The following COL8A1 variants were observed in gnomAD, a reference collection of about 807,000 sequenced individuals.
COL8A1 encodes the protein collagen type VIII alpha 1 chain, also known as collagen alpha-1(VIII) chain.
COL8A1 carries 21 observed loss-of-function variants against 42.7 expected under a neutral mutation model. That is an observed-to-expected ratio of 0.49 (90% confidence interval 0.35 to 0.71). The LOEUF (loss-of-function observed/expected upper bound fraction) is 0.71, where lower values mean the gene tolerates loss of function less well. COL8A1 is among the 30% of genes least tolerant of loss of function. COL8A1 has a pLI of 0.01. For synonymous variants in COL8A1, 367 were observed against 369.1 expected (o/e 0.99, Z 0.06); for missense variants, 788 against 962.4 (o/e 0.82, Z 2.40).
intron 2 of COL8A1, among the ~76,000 whole-genome samples, chr3:99,764,454 C>T (rs141338168): frequency 0.012 from 1,824 of 152,154 alleles, 23 homozygotes; most frequent in Middle Eastern, 0.02. Flanking sequence ...TATGTGTGTG[C>T]GTGTACACCA....
At chr3:99,737,813 C>G (rs1438639775) in intron 1 of COL8A1, among the ~76,000 whole-genome samples, 1 of 152,068 alleles carries the variant, frequency 6.6e-6, no homozygotes, top group Admixed American at 6.5e-5. Context: ...TAATATCCTG[C>G]AGAGTGTTTT....
chr3:99,798,840 C>T lies in COL8A1; in HGVS notation c.*2704C>T, dbSNP rs1206561227. On this transcript the variant is annotated 3_prime_UTR_variant, in exon 4 of 4. Transcript: ENST00000652472. ...ATAATTATCTATGTGCCTGTATTTC[C>T]CTTTTGAGTGCTGCACAACATGTTA... The T allele has an allele frequency of 1.3e-5, 2 of 152,158 alleles. No homozygotes were observed. The highest frequency in any genetic ancestry group is 3.8e-4 in the East Asian group (2 of 5,200). The allele number at this position is 152,158 out of a possible 1,614,324, so 9.4% of individuals were successfully genotyped here. A position where few individuals can be genotyped will look rare whatever the true frequency, so the allele number is the denominator to read the frequency against.
intron 3 of COL8A1, among the ~76,000 whole-genome samples, chr3:99,791,727 G>T (rs1386337573): frequency 6.6e-6 from 1 of 152,184 alleles, no homozygotes; most frequent in Non-Finnish European, 1.5e-5. Flanking sequence ...AATTACCTTT[G>T]AGGAAGTGGA....
chr3:99,704,029 C>A (rs1430072385), intron 1 of COL8A1, among the ~76,000 whole-genome samples: 2 of 152,232 alleles, frequency 1.3e-5, no homozygotes, highest in East Asian at 1.9e-4. Context: ...AAATTAGCTT[C>A]TTTCATGATG....
rs748401580 is a variant in COL8A1, at chr3:99,790,697, T to C, written c.15T>C (p.Pro5=). ...TCCCACAGGTGATGGCTGTGCTGCC[T>C]GGCCCTCTGCAGCTGCTGGGAGTGC... is the stretch of plus-strand genomic sequence containing the variant. MAVL[P]GPLQLLGVLL... Residue 5 remains proline (P), a synonymous_variant, in exon 3 of 4, where the codon CCT becomes CCC. Coordinates refer to ENST00000652472, the MANE Select transcript of COL8A1 (RefSeq NM_020351.4). 97 of 1,613,962 alleles carry C rather than the reference T, an allele frequency of 6.0e-5. 2 individuals carry two copies. In the South Asian group the frequency reaches 9.4e-4, roughly 16 times the overall value.
intron 1 of COL8A1, among the ~76,000 whole-genome samples, chr3:99,670,282 T>A (rs1056422045): frequency 6.6e-6 from 1 of 152,070 alleles, no homozygotes; most frequent in Non-Finnish European, 1.5e-5. Flanking sequence ...TTTTTTCATC[T>A]CAAGTATGTT....
At chr3:99,697,372 G>A (rs1431875335) in intron 1 of COL8A1, among the ~76,000 whole-genome samples, 1 of 152,170 alleles carries the variant, frequency 6.6e-6, no homozygotes, top group African/African-American at 2.4e-5. Context: ...TAAAGGCGTA[G>A]CTGCTACAAA....
At chr3:99,720,013 GA>G (rs751381378) in intron 1 of COL8A1, among the ~76,000 whole-genome samples, 7 of 152,184 alleles carry the variant, frequency 4.6e-5, no homozygotes, top group Non-Finnish European at 8.8e-5. Flanking sequence ...CACATTACTA[GA>G]ATTATAGTCA....
At chr3:99,724,056 G>C (rs1940233073) in intron 1 of COL8A1, among the ~76,000 whole-genome samples, 1 of 152,130 alleles carries the variant, frequency 6.6e-6, no homozygotes, top group South Asian at 2.1e-4. Flanking sequence ...GAGTCTGTTT[G>C]ACTTGCTTTG....
At chr3:99,685,838 A>G (rs1182954873) in intron 1 of COL8A1, among the ~76,000 whole-genome samples, 1 of 152,240 alleles carries the variant, frequency 6.6e-6, no homozygotes, top group Non-Finnish European at 1.5e-5. Flanking sequence ...AAATATGAAT[A>G]TAATAGTCAG....
chr3:99,725,630 C>T (rs959535296), intron 1 of COL8A1, among the ~76,000 whole-genome samples: 19 of 136,288 alleles, frequency 1.4e-4, no homozygotes, highest in African/African-American at 3.0e-4. Flanking sequence ...GTGTTCTCAT[C>T]GTTCAATTCC....
At chr3:99,714,107 C>T (rs889449690) in intron 1 of COL8A1, among the ~76,000 whole-genome samples, 1 of 152,034 alleles carries the variant, frequency 6.6e-6, no homozygotes, top group Non-Finnish European at 1.5e-5. Context: ...TAAATGAGAG[C>T]CCCTGACATA....
At chr3:99,726,810 TG>T (rs1308934038) in intron 1 of COL8A1, among the ~76,000 whole-genome samples, 2 of 152,254 alleles carry the variant, frequency 1.3e-5, no homozygotes, top group East Asian at 3.9e-4. Context: ...TTTTGGTTAC[TG>T]TAGCCTTGTA....
At chr3:99,724,155 T>A (rs1940236247) in intron 1 of COL8A1, among the ~76,000 whole-genome samples, 1 of 152,016 alleles carries the variant, frequency 6.6e-6, no homozygotes, top group Non-Finnish European at 1.5e-5. Context: ...CAAAAAATAA[T>A]CCCATGGATT....
At chr3:99,648,453 T>G (rs186671155) in intron 1 of COL8A1, among the ~76,000 whole-genome samples, 2 of 152,144 alleles carry the variant, frequency 1.3e-5, no homozygotes, top group Non-Finnish European at 2.9e-5. Context: ...TTTTAATTTC[T>G]TTTTCTTTTT....
chr3:99,658,342 TG>T (rs1938093907), intron 1 of COL8A1, among the ~76,000 whole-genome samples: 1 of 152,276 alleles, frequency 6.6e-6, no homozygotes, highest in South Asian at 2.1e-4. Flanking sequence ...TACAATGTTT[TG>T]TTCTCTCCGC....
chr3:99,726,821 A>T (rs1395892105), intron 1 of COL8A1, among the ~76,000 whole-genome samples: 1 of 152,118 alleles, frequency 6.6e-6, no homozygotes, highest in African/African-American at 2.4e-5. Context: ...GTAGCCTTGT[A>T]GTATAGTTTG....
At position 99,797,161 on chromosome 3, in the gene COL8A1, A is replaced by G. The variant is rs1942121936; in HGVS notation, c.*1025A>G. ...CTCCTTTGACTACACACACAACCACAGTGTGGTTCTAATCATGGAGATATC... is the reference window on the plus strand; with the variant it reads ...CTCCTTTGACTACACACACAACCACGGTGTGGTTCTAATCATGGAGATATC... On this transcript the variant is annotated 3_prime_UTR_variant, in exon 4 of 4. Transcript: ENST00000652472. 1 of 152,194 alleles carries G rather than the reference A, an allele frequency of 6.6e-6. No individual in the cohort carries two copies. Among genetic ancestry groups the G allele is most frequent in the African/African-American group, 2.4e-5 (1 of 41,444 alleles). 9.4% of individuals were successfully genotyped at this position (152,194 alleles called of 1,614,324 possible). A position where few individuals can be genotyped will look rare whatever the true frequency, so the allele number is the denominator to read the frequency against.
chr3:99,777,913 A>T (rs1941724084), intron 2 of COL8A1, among the ~76,000 whole-genome samples: 1 of 152,202 alleles, frequency 6.6e-6, no homozygotes, highest in African/African-American at 2.4e-5. Context: ...CCAGCAGGAG[A>T]GGAAAGCAAA....
Sources: gnomAD v4.1 joint callset for allele counts (sites outside exome capture counted in the v4.1 genomes callset) on GRCh38, gnomAD v4.1.1 for gene constraint, MANE v1.5 for transcripts, NCBI Gene and HGNC (gene_info 2026-07-23, HGNC 2026-07-21) for gene names.